Variants in NRG1 observed in about 807,000 individuals in gnomAD.
NRG1 encodes the protein neuregulin 1, also known as pro-neuregulin-1, membrane-bound isoform.
A neutral mutation model predicts 63.8 loss-of-function variants in NRG1; 18 were observed. That is an observed-to-expected ratio of 0.28 (90% confidence interval 0.19 to 0.42). NRG1 has a LOEUF of 0.42. NRG1 is among the 10% of genes least tolerant of loss of function. NRG1 has a pLI of 1.00. For missense variants in NRG1, 762 were observed against 814.7 expected, an observed-to-expected ratio of 0.94 and a Z score of 0.79; for synonymous variants, 302 against 301.3, an observed-to-expected ratio of 1.00 and a Z score of -0.02.
chr8:32,539,360 A>G (rs1377823067), intron 1 of NRG1, among the ~76,000 whole-genome samples: 1 of 152,220 alleles, frequency 6.6e-6, no homozygotes, highest in East Asian at 1.9e-4. Context: ...TTACAAGCCC[A>G]GTCAAAGAAT....
chr8:32,437,173 T>C (rs1381923481), intron 1 of NRG1, among the ~76,000 whole-genome samples: 2 of 152,152 alleles, frequency 1.3e-5, no homozygotes, highest in Non-Finnish European at 2.9e-5. Flanking sequence ...TTAACCTTGC[T>C]AACACCTACC....
At chr8:32,363,617 G>C (rs1028737044) in intron 1 of NRG1, among the ~76,000 whole-genome samples, 1 of 152,066 alleles carries the variant, frequency 6.6e-6, no homozygotes, top group Non-Finnish European at 1.5e-5. Flanking sequence ...TTGGGCAAAC[G>C]ATCAAAAGGG....
intron 1 of NRG1, among the ~76,000 whole-genome samples, chr8:32,224,748 A>G (rs1179022438): frequency 6.6e-6 from 1 of 152,210 alleles, no homozygotes; most frequent in Non-Finnish European, 1.5e-5. Flanking sequence ...AATGGAAAGA[A>G]CACTGCATAG....
At chr8:32,658,916 T>A (rs2128869687) in intron 5 of NRG1, among the ~76,000 whole-genome samples, 1 of 152,312 alleles carries the variant, frequency 6.6e-6, no homozygotes, top group African/African-American at 2.4e-5. Context: ...CATGTTTTGG[T>A]GACATATTTT....
At chr8:32,774,041 C>T (rs1437618042) in intron 7 of NRG1, among the ~76,000 whole-genome samples, 2 of 152,146 alleles carry the variant, frequency 1.3e-5, no homozygotes, top group Admixed American at 6.5e-5. Context: ...GTAATTTCAA[C>T]TAAAACTTGG....
Position 31,930,934 on chromosome 8 carries a change from C to T in NRG1, c.37+291503C>T, listed in dbSNP as rs370359431. On this transcript the variant is annotated intron_variant, in intron 1 of 10. Coordinates refer to the NRG1 transcript ENST00000519301. Reference sequence around the variant, plus strand: ...CTCCAGATGTTACAGGCTCATGTTTCCTTCTGCTGAATTCAATTGTTGGTT... The same window carrying T: ...CTCCAGATGTTACAGGCTCATGTTTTCTTCTGCTGAATTCAATTGTTGGTT... 2.6e-5 allele frequency among the ~76,000 whole-genome samples: 4 copies of T among 152,174 alleles called. No homozygotes were observed. In the East Asian group the frequency reaches 7.7e-4, roughly 29 times the overall value.
At chr8:32,449,319 A>G (rs1820677978) in intron 1 of NRG1, among the ~76,000 whole-genome samples, 1 of 151,744 alleles carries the variant, frequency 6.6e-6, no homozygotes, top group East Asian at 1.9e-4. Context: ...TAATATATAA[A>G]TAAACAAATA....
intron 1 of NRG1, among the ~76,000 whole-genome samples, chr8:31,717,724 G>A (rs564403977): frequency 6.6e-6 from 1 of 151,998 alleles, no homozygotes; most frequent in East Asian, 1.9e-4. Context: ...GATTTTCAGC[G>A]ATGCCTTTTT....
intron 1 of NRG1, among the ~76,000 whole-genome samples, chr8:32,367,406 C>CTT (rs369041002): frequency 6.1e-5 from 9 of 147,294 alleles, no homozygotes; most frequent in Non-Finnish European, 1.3e-4. Context: ...TGGTGTTGAA[C>CTT]TTTTTTTTTT....
chr8:32,434,749 T>G (rs939396155), intron 1 of NRG1, among the ~76,000 whole-genome samples: 2 of 152,000 alleles, frequency 1.3e-5, no homozygotes, highest in African/African-American at 4.8e-5. Context: ...CCCTCCCATA[T>G]CTGGGGATTC....
At chr8:31,796,733 G>A (rs1052227883) in intron 1 of NRG1, among the ~76,000 whole-genome samples, 1 of 152,044 alleles carries the variant, frequency 6.6e-6, no homozygotes, top group Admixed American at 6.5e-5. Flanking sequence ...CACTGCGCCC[G>A]GCCAGAAGGT....
intron 1 of NRG1, among the ~76,000 whole-genome samples, chr8:32,292,877 A>T (rs918221313): frequency 2.0e-5 from 3 of 152,156 alleles, no homozygotes; most frequent in Non-Finnish European, 4.4e-5. Context: ...AGGCCAAGGC[A>T]GGCTGATCAC....
chr8:32,080,944 A>G (rs185081680), intron 1 of NRG1, among the ~76,000 whole-genome samples: 5 of 152,098 alleles, frequency 3.3e-5, no homozygotes, highest in Non-Finnish European at 7.4e-5. Context: ...GTTTAAGTTC[A>G]TAAGATTTCT....
At chr8:32,126,570 T>A (rs1475511651) in intron 1 of NRG1, among the ~76,000 whole-genome samples, 1 of 151,878 alleles carries the variant, frequency 6.6e-6, no homozygotes, top group Non-Finnish European at 1.5e-5. Context: ...GATGCCCTAA[T>A]AAGCCAGTGT....
At chr8:32,048,442 CATACATATATAT>C (rs1245432722) in intron 1 of NRG1, among the ~76,000 whole-genome samples, 9,116 of 134,580 alleles carry the variant, frequency 0.068, 468 homozygotes, top group South Asian at 0.095. Context: ...CACATATATA[CATACATATATAT>C]ATATATATAT....
chr8:32,380,726 C>A (rs552296926), intron 1 of NRG1, among the ~76,000 whole-genome samples: 1 of 152,098 alleles, frequency 6.6e-6, no homozygotes, highest in East Asian at 1.9e-4. Flanking sequence ...ATTGCCTCTA[C>A]CTGTGAAACA....
intron 1 of NRG1, among the ~76,000 whole-genome samples, chr8:31,759,951 T>G (rs1817358933): frequency 1.3e-5 from 2 of 152,282 alleles, no homozygotes; most frequent in African/African-American, 4.8e-5. Context: ...ACAAGCGTTT[T>G]CTAGTCTTTG....
chr8:32,423,728 C>A (rs896055081), intron 1 of NRG1, among the ~76,000 whole-genome samples: 3 of 152,200 alleles, frequency 2.0e-5, no homozygotes, highest in African/African-American at 7.2e-5. Flanking sequence ...AACCCACATA[C>A]ACACAGACAC....
At chr8:32,139,973 G>A (rs1188003679) in intron 1 of NRG1, among the ~76,000 whole-genome samples, 1 of 152,152 alleles carries the variant, frequency 6.6e-6, no homozygotes, top group Non-Finnish European at 1.5e-5. Context: ...GAGACTTGAG[G>A]ATTCAGGAGC....
Sources: allele counts gnomAD v4.1 joint callset (sites outside exome capture counted in the v4.1 genomes callset), GRCh38; gene constraint gnomAD v4.1.1; transcripts MANE v1.5; gene names NCBI Gene and HGNC (gene_info 2026-07-23, HGNC 2026-07-21).